Variants in IPO8 observed in about 807,000 individuals in gnomAD.
IPO8 encodes importin-8.
IPO8 carries 65 observed loss-of-function variants against 141.2 expected under a neutral mutation model. The ratio of observed to expected loss-of-function variants is 0.46; its 90% CI spans 0.38 to 0.57. The LOEUF is 0.57. IPO8 is among the 20% of genes least tolerant of loss of function. The pLI is 0.00. For missense variants in IPO8, 980 were observed against 1,246.8 expected, an observed-to-expected ratio of 0.79 and a Z score of 3.22; for synonymous variants, 411 against 420.3, an observed-to-expected ratio of 0.98 and a Z score of 0.27.
At chr12:30,682,098 C>A (rs528813765) in intron 3 of IPO8, among the ~76,000 whole-genome samples, 30 of 152,132 alleles carry the variant, frequency 2.0e-4, no homozygotes, top group African/African-American at 6.3e-4. Flanking sequence ...TTAAAATTTT[C>A]AAAAAACTCC....
intron 16 of IPO8, among the ~76,000 whole-genome samples, chr12:30,659,863 A>AC (rs201429685): frequency 0.01 from 1,522 of 150,692 alleles, 24 homozygotes; most frequent in African/African-American, 0.034. Context: ...TCAAAACAAA[A>AC]AAAAAAAAAA....
At chr12:30,640,569 TTAACTC>T (rs1362546263) in intron 20 of IPO8, among the ~76,000 whole-genome samples, 21 of 152,280 alleles carry the variant, frequency 1.4e-4, no homozygotes, top group African/African-American at 4.3e-4. Flanking sequence ...GATAACTAGT[TTAACTC>T]TACGTCTACT....
chr12:30,633,566 A>G (rs1331802185), intron 23 of IPO8, among the ~76,000 whole-genome samples: 1 of 152,040 alleles, frequency 6.6e-6, no homozygotes, highest in Non-Finnish European at 1.5e-5. Context: ...TGTGGCAAAT[A>G]TTTTCTCCCC....
intron 5 of IPO8, among the ~76,000 whole-genome samples, chr12:30,678,298 A>T (rs2053148678): frequency 6.6e-6 from 1 of 152,092 alleles, no homozygotes; most frequent in African/African-American, 2.4e-5. Flanking sequence ...CTACTACCTC[A>T]CCCACAGCAA....
At chr12:30,676,909 A>T in intron 5 of IPO8, 2 of 1,529,406 alleles carry the variant, frequency 1.3e-6, no homozygotes, top group Non-Finnish European at 1.8e-6. Context: ...TTTGAGGGTC[A>T]AACTTTCCAT....
chr12:30,631,650 A>G (rs1240383910), intron 24 of IPO8: 1 of 325,138 alleles, frequency 3.1e-6, no homozygotes, highest in African/African-American at 2.1e-5. Context: ...TTTGCCTCCA[A>G]CATAGGATAA....
intron 20 of IPO8, among the ~76,000 whole-genome samples, chr12:30,641,148 T>C (rs1040384464): frequency 5.3e-5 from 8 of 152,210 alleles, no homozygotes; most frequent in Admixed American, 3.3e-4. Flanking sequence ...ACTACGTAAA[T>C]GCACAATTAG....
intron 11 of IPO8, 38 bp downstream of exon 11, chr12:30,666,137 A>C (rs2052961740): frequency 1.6e-6 from 2 of 1,276,694 alleles, no homozygotes; most frequent in Middle Eastern, 1.9e-4. Context: ...AACACAGGCC[A>C]CCTTTCAGTT....
intron 16 of IPO8, among the ~76,000 whole-genome samples, chr12:30,657,512 G>T (rs543067728): frequency 6.6e-6 from 1 of 152,056 alleles, no homozygotes; most frequent in Non-Finnish European, 1.5e-5. Context: ...TACAAATGAC[G>T]ATGCAAACCA....
rs1174450046 is a variant in IPO8, at chr12:30,663,541, G to A, written c.1542C>T (p.Val514=). ...GAAGAGCAAGGGCAGCTTCAACTTT[G>A]ACAGGCATCTCTTTATCTTCAATCA... ...KSLIEDKEMP[V]KVEAALALQS... is the part of the protein sequence containing the mutation. Residue 514 remains valine, a synonymous_variant, in exon 14 of 25, where the codon GTC becomes GTT. Coordinates refer to ENST00000256079, the MANE Select transcript of IPO8 (RefSeq NM_006390.4). 1.9e-6 allele frequency: 3 copies of A among 1,613,776 alleles called. No individual in the cohort carries two copies. Among genetic ancestry groups the A allele is most frequent in the Middle Eastern group, 3.3e-4 (2 of 6,060 alleles).
chr12:30,666,131 C>T (rs777251785), intron 11 of IPO8, 44 bp downstream of exon 11: 1 of 1,223,674 alleles, frequency 8.2e-7, no homozygotes, highest in South Asian at 1.4e-5. Context: ...CAACTCAACA[C>T]AGGCCACCTT....
chr12:30,644,632 T>C (rs1288395600), intron 20 of IPO8, among the ~76,000 whole-genome samples: 1 of 107,422 alleles, frequency 9.3e-6, no homozygotes, highest in Non-Finnish European at 1.9e-5. Context: ...TGTACTTTGC[T>C]TTTTGGTGTT....
chr12:30,634,675 T>C (rs564128765), intron 22 of IPO8, among the ~76,000 whole-genome samples: 4 of 152,234 alleles, frequency 2.6e-5, no homozygotes, highest in African/African-American at 9.6e-5. Flanking sequence ...GTACGGTCAG[T>C]GCATGTGTTT....
At chr12:30,635,326 C>T (rs1565492260) in intron 22 of IPO8, among the ~76,000 whole-genome samples, 2 of 151,874 alleles carry the variant, frequency 1.3e-5, no homozygotes, top group Non-Finnish European at 2.9e-5. Flanking sequence ...TTCAAATGTT[C>T]CCACCATTAA....
intron 1 of IPO8, among the ~76,000 whole-genome samples, chr12:30,693,009 T>C (rs750594334): frequency 1.3e-5 from 2 of 152,240 alleles, no homozygotes; most frequent in Non-Finnish European, 2.9e-5. Flanking sequence ...CTGTGCTATT[T>C]ACATAAACAA....
rs1270082388 is a variant in IPO8, at chr12:30,637,142, C to T, written c.2535G>A (p.Leu845=). ...KMCIIGLSIL[L]ELQNRPPAVD... ...CTGCAGGAGGTCGATTTTGCAATTCCAAAAGGATACTCAGTCCTATTATAC... is the reference window on the plus strand; with the variant it reads ...CTGCAGGAGGTCGATTTTGCAATTCTAAAAGGATACTCAGTCCTATTATAC... The change falls in exon 22 of 25, where the codon TTG becomes TTA. Residue 845 remains leucine, a synonymous_variant. Transcript: ENST00000256079. 1 of 1,613,580 alleles carries T rather than the reference C, an allele frequency of 6.2e-7. No homozygotes were observed. The highest frequency in any genetic ancestry group is 1.1e-5 in the South Asian group (1 of 91,060).
intron 11 of IPO8, 134 bp downstream of exon 11, chr12:30,666,040 AG>A (rs2052960075): frequency 4.5e-6 from 3 of 660,468 alleles, no homozygotes; most frequent in Admixed American, 6.7e-5. Flanking sequence ...TCACCAGGAG[AG>A]GAAAAAAAAA....
At chr12:30,665,623 T>G (rs1457683979) in intron 12 of IPO8, 106 bp downstream of exon 12, 1 of 702,820 alleles carries the variant, frequency 1.4e-6, no homozygotes, top group African/African-American at 1.8e-5. Context: ...TGAACTCAAT[T>G]ATCCAGAGGT....
intron 8 of IPO8, among the ~76,000 whole-genome samples, chr12:30,673,192 G>A (rs1441772058): frequency 1.3e-5 from 2 of 152,138 alleles, no homozygotes; most frequent in Non-Finnish European, 2.9e-5. Context: ...CCAGGAGGCA[G>A]AGGTTGCAGT....
Sources: gnomAD v4.1 joint callset for allele counts (sites outside exome capture counted in the v4.1 genomes callset) on GRCh38, gnomAD v4.1.1 for gene constraint, MANE v1.5 for transcripts, NCBI Gene and HGNC (gene_info 2026-07-23, HGNC 2026-07-21) for gene names.